NOTCH2: variants seen among roughly 807,000 people sequenced by gnomAD.
The protein encoded by NOTCH2 is notch receptor 2.
In NOTCH2, 29 loss-of-function variants were observed where a neutral mutation model predicts 235.8. The observed-to-expected ratio is 0.12, with a 90% confidence interval of 0.09 to 0.17. The LOEUF (loss-of-function observed/expected upper bound fraction) is 0.17, where lower values mean the gene tolerates loss of function less well. NOTCH2 is among the 10% of genes least tolerant of loss of function. NOTCH2 has a pLI of 1.00. For synonymous variants in NOTCH2, 1,086 were observed against 1,141.5 expected, an observed-to-expected ratio of 0.95 and a Z score of 0.98; for missense variants, 2,285 against 3,150.2, an observed-to-expected ratio of 0.73 and a Z score of 6.57.
chr1:120,053,738 C>T lies in NOTCH2; in HGVS notation c.73+15596G>A, dbSNP rs587717134. Among the ~76,000 whole-genome samples, 17 of 133,604 alleles carry T rather than the reference C, an allele frequency of 1.3e-4. 2 individuals carry two copies. Among genetic ancestry groups the T allele is most frequent in the Non-Finnish European group, 2.2e-4 (14 of 64,446 alleles). 87.6% of individuals were successfully genotyped at this position (133,604 alleles called of 152,430 possible). On this transcript the variant is annotated intron_variant, in intron 1 of 33. Transcript: ENST00000256646. ...GAAACAAGGTCTAGAGACAAATGTTCCCAGGCTATATATTCCAAAGGAGGA... is the reference window on the plus strand; with the variant it reads ...GAAACAAGGTCTAGAGACAAATGTTTCCAGGCTATATATTCCAAAGGAGGA...
chr1:119,944,062 G>T (rs1650165694), intron 17 of NOTCH2, among the ~76,000 whole-genome samples: 1 of 151,882 alleles, frequency 6.6e-6, no homozygotes, highest in South Asian at 2.1e-4. Context: ...AAAAAACACT[G>T]AAAAATAAAT....
chr1:119,938,145 A>G lies in NOTCH2; in HGVS notation c.3184-135T>C, dbSNP rs1649927108. On this transcript the variant is annotated intron_variant, in intron 19 of 33. Transcript: ENST00000256646. Reference sequence around the variant, plus strand: ...AAAAAGAGCCTTCATCTAGTAAAAGAGCCCTTAAACTAGATTCAGTGTTCC... The same window carrying G: ...AAAAAGAGCCTTCATCTAGTAAAAGGGCCCTTAAACTAGATTCAGTGTTCC... 1.2e-5 allele frequency: 12 copies of G among 963,516 alleles called. No homozygotes were observed. In the South Asian group the frequency reaches 1.3e-4, roughly 11 times the overall value. 59.7% of individuals were successfully genotyped at this position (963,516 alleles called of 1,614,324 possible). A position where few individuals can be genotyped will look rare whatever the true frequency, so the allele number is the denominator to read the frequency against.
At chr1:119,925,938 T>C (rs758812717) in intron 24 of NOTCH2, 128 bp from the exon 25 acceptor site, 371 of 1,118,766 alleles carry the variant, frequency 3.3e-4, no homozygotes, top group Non-Finnish European at 4.0e-4. Flanking sequence ...AAGCCAAGGT[T>C]ACTAGACAGG....
chr1:119,971,173 G>T (rs1553200318), intron 5 of NOTCH2, among the ~76,000 whole-genome samples: 2 of 152,120 alleles, frequency 1.3e-5, no homozygotes, highest in African/African-American at 4.8e-5. Flanking sequence ...ACACTTATTT[G>T]GTTGCACATC....
Position 119,923,767 on chromosome 1 carries a change from G to C in NOTCH2, c.4729C>G (p.Leu1577Val), listed in dbSNP as rs868649567. Residue 1577 changes from leucine (L) to valine (V), a missense_variant, in exon 26 of 34, where the codon CTG becomes GTG. Leu to Val is a conservative substitution (Grantham distance 32, BLOSUM62 1). Transcript: ENST00000256646. Reference sequence around the variant, plus strand: ...CCCTGGGAGTCCCGCTTAATGCGCAGGTTGGTGTGGAGCAGGGTACCCAGT... The same window carrying C: ...CCCTGGGAGTCCCGCTTAATGCGCACGTTGGTGTGGAGCAGGGTACCCAGT... ...RALGTLLHTNLRIKRDSQGEL... is the reference protein window; with the variant it reads ...RALGTLLHTNVRIKRDSQGEL... 1 of 1,614,198 alleles carries C rather than the reference G, an allele frequency of 6.2e-7. No homozygotes were observed. Among genetic ancestry groups the C allele is most frequent in the Non-Finnish European group, 8.5e-7 (1 of 1,180,030 alleles).
In NOTCH2 at chr1:119,963,806, A is replaced by G. The variant is rs781909223; in HGVS notation, c.1683T>C (p.Gly561=). Residue 561 remains glycine, a splice_region_variant and synonymous_variant, in exon 11 of 34, where the codon GGT becomes GGC. Coordinates refer to ENST00000256646, the MANE Select transcript of NOTCH2 (RefSeq NM_024408.4). The stretch of plus-strand genomic sequence containing the variant: ...TCTCCTCACACAACACACCAGTGAA[A>G]CCTTTGGAAAGAATTTTATCAAGGA... ...PNGYECQCAT[G]FTGVLCEENI... The G allele has an allele frequency of 6.2e-7, 1 of 1,613,448 alleles. No individual in the cohort carries two copies. The highest frequency in any genetic ancestry group is 8.5e-7 in the Non-Finnish European group (1 of 1,179,392).
At chr1:119,986,871 G>A (rs892474943) in intron 5 of NOTCH2, 89 bp downstream of exon 5, 9 of 1,562,442 alleles carry the variant, frequency 5.8e-6, no homozygotes, top group Middle Eastern at 1.7e-4. Flanking sequence ...GCAGGCCTAA[G>A]ATATTTGTTA....
At chr1:119,980,291 A>C (rs1553201482) in intron 5 of NOTCH2, among the ~76,000 whole-genome samples, 1 of 152,136 alleles carries the variant, frequency 6.6e-6, no homozygotes, top group Non-Finnish European at 1.5e-5. Flanking sequence ...CAGACATCTT[A>C]CCTAAAGTAT....
At chr1:119,967,761 T>C in intron 7 of NOTCH2, 140 bp from the exon 8 acceptor site, 1 of 819,928 alleles carries the variant, frequency 1.2e-6, no homozygotes, top group Non-Finnish European at 2.0e-6. Flanking sequence ...TTTTTTTTCC[T>C]TAATTTAAAA....
rs587723966 is a variant in NOTCH2, at chr1:119,917,468, G to C, written c.6027+197C>G. ...GCCTACTGCAAGCTGAGTACTGAGA[G>C]GGCAGAGAACTCCATCCTGACACAT... On this transcript the variant is annotated intron_variant, in intron 33 of 33. Transcript: ENST00000256646. 5.3e-5 allele frequency among the ~76,000 whole-genome samples: 8 copies of C among 152,338 alleles called. No individual in the cohort carries two copies. In the East Asian group the frequency reaches 1.5e-3, roughly 29 times the overall value.
chr1:120,054,492 TAATA>T lies in NOTCH2; in HGVS notation c.73+14838_73+14841del, dbSNP rs587764375. Among the ~76,000 whole-genome samples, 1,180 of 147,706 alleles carry T rather than the reference TAATA, an allele frequency of 8.0e-3. 6 individuals carry two copies. Among genetic ancestry groups the T allele is most frequent in the African/African-American group, 0.027 (1,086 of 40,178 alleles). On this transcript the variant is annotated intron_variant, in intron 1 of 33. Coordinates refer to ENST00000256646, the MANE Select transcript of NOTCH2 (RefSeq NM_024408.4). ...AAGACAGGTTAGTACTGGGTAATTT[TAATA>T]ATTGGCTATGTGCATTGTTCAGATG...
At chr1:119,961,738 G>A (rs754331821) in intron 11 of NOTCH2, among the ~76,000 whole-genome samples, 7 of 152,162 alleles carry the variant, frequency 4.6e-5, no homozygotes, top group African/African-American at 9.7e-5. Context: ...ATGAGAGAAC[G>A]CACTGAAGGT....
Position 119,914,139 on chromosome 1 carries a change from C to G in NOTCH2, c.*1167G>C, listed in dbSNP as rs2101139621. 1 of 233,244 alleles carries G rather than the reference C, an allele frequency of 4.3e-6. No individual in the cohort carries two copies. Among genetic ancestry groups the G allele is most frequent in the East Asian group, 6.0e-5 (1 of 16,588 alleles). 14.4% of individuals were successfully genotyped at this position (233,244 alleles called of 1,614,324 possible). Reference sequence around the variant, plus strand: ...AATGGCAAGGGTACAACATTTGAGACAGTGTCTTCTGTGGATATGAAAGGA... The same window carrying G: ...AATGGCAAGGGTACAACATTTGAGAGAGTGTCTTCTGTGGATATGAAAGGA... On this transcript the variant is annotated 3_prime_UTR_variant, in exon 34 of 34. Coordinates refer to ENST00000256646, the MANE Select transcript of NOTCH2 (RefSeq NM_024408.4).
chr1:119,922,495 T>C (rs370178248), intron 27 of NOTCH2, 49 bp from the exon 28 acceptor site: 43 of 1,595,112 alleles, frequency 2.7e-5, no homozygotes, highest in Non-Finnish European at 1.1e-5. Flanking sequence ...CATTAACCTC[T>C]CAATGTCAGC....
intron 17 of NOTCH2, among the ~76,000 whole-genome samples, chr1:119,942,607 G>A (rs921602489): frequency 7.2e-5 from 11 of 152,078 alleles, no homozygotes; most frequent in South Asian, 4.1e-4. Context: ...CTTAACCACA[G>A]TACACAGCTA....
At chr1:119,985,929 G>A (rs1198165482) in intron 5 of NOTCH2, among the ~76,000 whole-genome samples, 1 of 152,154 alleles carries the variant, frequency 6.6e-6, no homozygotes, top group African/African-American at 2.4e-5. Flanking sequence ...GACAGTTTGG[G>A]AATTAAAAGC....
chr1:119,955,017 T>A, intron 13 of NOTCH2, 23 bp downstream of exon 13: 1 of 1,612,254 alleles, frequency 6.2e-7, no homozygotes, highest in Non-Finnish European at 8.5e-7. Flanking sequence ...AATAAGAAAC[T>A]ATCACATGGG....
chr1:119,995,899 T>G (rs2258068), intron 4 of NOTCH2: 1 of 152,182 alleles, frequency 6.6e-6, no homozygotes. Context: ...ACCTTTAATC[T>G]CTCCAAAATA....
intron 2 of NOTCH2, among the ~76,000 whole-genome samples, chr1:120,018,045 T>C (rs1277241822): frequency 6.6e-6 from 1 of 151,322 alleles, no homozygotes; most frequent in Non-Finnish European, 1.5e-5. Flanking sequence ...CCAATGTTGG[T>C]GGATGACCAC....
Sources: allele counts gnomAD v4.1 joint callset (sites outside exome capture counted in the v4.1 genomes callset), GRCh38; gene constraint gnomAD v4.1.1; transcripts MANE v1.5; gene names NCBI Gene and HGNC (gene_info 2026-07-23, HGNC 2026-07-21).